The following NRG3 variants were observed in gnomAD, a reference collection of about 807,000 sequenced individuals.
NRG3 encodes pro-neuregulin-3, membrane-bound isoform.
A neutral mutation model predicts 66.9 loss-of-function variants in NRG3; 31 were observed. The ratio of observed to expected loss-of-function variants is 0.46; its 90% CI spans 0.35 to 0.63. NRG3 has a LOEUF of 0.63. Ranked by LOEUF, NRG3 falls within the 20% of genes least tolerant of loss-of-function variation. NRG3 has a pLI of 0.00. For synonymous variants in NRG3, 393 were observed against 359.4 expected (o/e 1.09, Z -1.06); for missense variants, 910 against 878.9 (o/e 1.04, Z -0.45).
At chr10:82,796,527 C>A (rs968428502) in intron 3 of NRG3, among the ~76,000 whole-genome samples, 1 of 151,296 alleles carries the variant, frequency 6.6e-6, no homozygotes, top group African/African-American at 2.4e-5. Context: ...TGAGAGAAAA[C>A]CAAAATTTAT....
At chr10:82,903,064 TA>T (rs1425399610) in intron 4 of NRG3, among the ~76,000 whole-genome samples, 1 of 152,092 alleles carries the variant, frequency 6.6e-6, no homozygotes, top group African/African-American at 2.4e-5. Context: ...AAATTTACTA[TA>T]AAAAGTTAAA....
chr10:82,820,576 C>T (rs1000756389), intron 3 of NRG3, among the ~76,000 whole-genome samples: 3 of 152,178 alleles, frequency 2.0e-5, no homozygotes, highest in Non-Finnish European at 4.4e-5. Context: ...CAGCCCTCAA[C>T]TTTTTATTAA....
intron 3 of NRG3, among the ~76,000 whole-genome samples, chr10:82,841,260 C>A (rs2063044540): frequency 6.6e-6 from 1 of 152,176 alleles, no homozygotes; most frequent in South Asian, 2.1e-4. Context: ...GACTTCTAGC[C>A]TCTAGAATTG....
At chr10:82,225,655 T>C (rs989367743) in intron 1 of NRG3, 1 of 152,170 alleles carries the variant, frequency 6.6e-6, no homozygotes, top group South Asian at 2.1e-4. Context: ...AGTGTGATTA[T>C]GAGAAAGAGA....
intron 1 of NRG3, among the ~76,000 whole-genome samples, chr10:82,113,164 A>C (rs2067491187): frequency 4.6e-5 from 7 of 152,212 alleles, no homozygotes; most frequent in Admixed American, 4.6e-4. Context: ...TTTATGCTCC[A>C]GGCAGTGGGC....
At chr10:82,337,087 C>G (rs2082430066) in intron 1 of NRG3, among the ~76,000 whole-genome samples, 1 of 152,050 alleles carries the variant, frequency 6.6e-6, no homozygotes, top group African/African-American at 2.4e-5. Flanking sequence ...ATATTTGTCC[C>G]CTTTTACTTC....
rs1166267719 is a variant in NRG3 at position 82,431,325 on chromosome 10, G to C, written c.953+72457G>C. Among the ~76,000 whole-genome samples, 8 of 152,192 alleles carry C rather than the reference G, an allele frequency of 5.3e-5. 1 individual carries two copies. The South Asian group carries it at 1.2e-3, about 24-fold the overall frequency. On this transcript the variant is annotated intron_variant, in intron 2 of 8. Transcript: ENST00000372141. ...TTCTTCCCTGTCCTATGTATGCTGG[G>C]TTGCTGATTTTCACAGCTGTTACTG...
chr10:82,174,089 A>G (rs2072849175), intron 1 of NRG3, among the ~76,000 whole-genome samples: 1 of 152,086 alleles, frequency 6.6e-6, no homozygotes, highest in Non-Finnish European at 1.5e-5. Flanking sequence ...AAGTCATTCA[A>G]AATTACCCAT....
In NRG3 at chr10:82,152,594, C is replaced by T. The variant is rs189419195; in HGVS notation, c.824-206145C>T. On this transcript the variant is annotated intron_variant, in intron 1 of 8. Transcript: ENST00000372141. ...ACTGAAGATCTAGTTTTGCCAGTTGCGGAACCTCAGATTTGTACCACTCAC... is the reference window on the plus strand; with the variant it reads ...ACTGAAGATCTAGTTTTGCCAGTTGTGGAACCTCAGATTTGTACCACTCAC... Among the ~76,000 whole-genome samples the T allele has an allele frequency of 2.1e-4, 32 of 151,998 alleles. No homozygotes were observed. The East Asian group carries it at 6.0e-3, about 28-fold the overall frequency.
At chr10:82,679,281 A>G (rs1005992805) in intron 2 of NRG3, among the ~76,000 whole-genome samples, 1 of 152,190 alleles carries the variant, frequency 6.6e-6, no homozygotes, top group Middle Eastern at 3.2e-3. Flanking sequence ...CATCATAATT[A>G]TGGCATTTCA....
intron 3 of NRG3, among the ~76,000 whole-genome samples, chr10:82,768,198 A>C (rs116265227): frequency 0.018 from 2,771 of 152,142 alleles, 89 homozygotes; most frequent in African/African-American, 0.06. Context: ...TCATGTGTTC[A>C]GTTCCATGTC....
intron 1 of NRG3, among the ~76,000 whole-genome samples, chr10:82,058,469 T>C (rs1224587908): frequency 6.6e-6 from 1 of 151,750 alleles, no homozygotes; most frequent in Non-Finnish European, 1.5e-5. Flanking sequence ...ACCCGTTTCA[T>C]CTGTAGAATA....
At chr10:82,964,443 T>G (rs1438779911) in intron 6 of NRG3, among the ~76,000 whole-genome samples, 5 of 152,188 alleles carry the variant, frequency 3.3e-5, no homozygotes, top group African/African-American at 2.4e-5. Flanking sequence ...GGTGGCGTTT[T>G]GTGCTGTGCC....
chr10:81,912,023 C>A (rs867307545), intron 1 of NRG3, among the ~76,000 whole-genome samples: 28 of 152,186 alleles, frequency 1.8e-4, no homozygotes, highest in African/African-American at 6.3e-4. Flanking sequence ...AAAAAGTCTC[C>A]AAAATTATAC....
At chr10:82,100,325 G>A (rs2066650314) in intron 1 of NRG3, among the ~76,000 whole-genome samples, 3 of 151,970 alleles carry the variant, frequency 2.0e-5, no homozygotes, top group Admixed American at 2.0e-4. Context: ...CTATTAATAG[G>A]AACAATGTTC....
chr10:81,977,426 T>C (rs1040240830), intron 1 of NRG3, among the ~76,000 whole-genome samples: 2 of 152,204 alleles, frequency 1.3e-5, no homozygotes, highest in Non-Finnish European at 2.9e-5. Context: ...TCAAGCAATG[T>C]ATTTCGTATT....
At chr10:82,241,171 T>G (rs2076992618) in intron 1 of NRG3, among the ~76,000 whole-genome samples, 1 of 152,112 alleles carries the variant, frequency 6.6e-6, no homozygotes, top group South Asian at 2.1e-4. Flanking sequence ...CAACATTGCA[T>G]TTGAATTATA....
intron 1 of NRG3, among the ~76,000 whole-genome samples, chr10:81,944,817 G>A (rs1848700275): frequency 6.6e-6 from 1 of 152,084 alleles, no homozygotes; most frequent in African/African-American, 2.4e-5. Context: ...AGCACCCATG[G>A]CACATTTTCA....
chr10:82,565,431 T>C (rs648958), intron 2 of NRG3, among the ~76,000 whole-genome samples: 9,610 of 152,206 alleles, frequency 0.063, 410 homozygotes, highest in Non-Finnish European at 0.097. Context: ...TCTCAGGATA[T>C]TCATACTCAG....
Sources: gnomAD v4.1 joint callset for allele counts (sites outside exome capture counted in the v4.1 genomes callset) on GRCh38, gnomAD v4.1.1 for gene constraint, MANE v1.5 for transcripts, NCBI Gene and HGNC (gene_info 2026-07-23, HGNC 2026-07-21) for gene names.